Variants in GLIPR1 observed in about 807,000 individuals in gnomAD.
GLIPR1 encodes GLI pathogenesis related 1.
Under a neutral mutation model 30.3 loss-of-function variants are expected in GLIPR1, and 38 were observed. That is an observed-to-expected ratio of 1.26 (90% CI 0.97 to 1.65). GLIPR1 has a LOEUF of 1.65. GLIPR1 is among the 40% of genes most tolerant of loss of function. The pLI is 0.00. For synonymous variants in GLIPR1, 122 were observed against 110.6 expected (o/e 1.10, Z -0.65); for missense variants, 285 against 326.5 (o/e 0.87, Z 0.98).
intron 2 of GLIPR1, among the ~76,000 whole-genome samples, chr12:75,482,527 G>A (rs890072566): frequency 2.6e-5 from 4 of 151,964 alleles, no homozygotes; most frequent in African/African-American, 9.7e-5. Context: ...CTCAAACATC[G>A]ACTGAAAACC....
chr12:75,498,574 C>T lies in GLIPR1; in HGVS notation c.620-120C>T, dbSNP rs878934895. Reference sequence around the variant, plus strand: ...TTTTGAATAATTAAACTTGGAAAGTCACTGCAATAAAGCCAAAGCAAGTTA... The same window carrying T: ...TTTTGAATAATTAAACTTGGAAAGTTACTGCAATAAAGCCAAAGCAAGTTA... On this transcript the variant is annotated intron_variant, in intron 4 of 5. Transcript: ENST00000266659. 16 of 716,258 alleles carry T rather than the reference C, an allele frequency of 2.2e-5. No individual in the cohort carries two copies. The South Asian group carries it at 2.8e-4, about 12-fold the overall frequency. 44.4% of individuals were successfully genotyped at this position (716,258 alleles called of 1,614,324 possible). A position where few individuals can be genotyped will look rare whatever the true frequency, so the allele number is the denominator to read the frequency against.
chr12:75,502,260 G>T lies in GLIPR1; in HGVS notation c.*3282G>T. 1 of 317,706 alleles carries T rather than the reference G, an allele frequency of 3.1e-6. No individual in the cohort carries two copies. The highest frequency in any genetic ancestry group is 5.8e-6 in the Non-Finnish European group (1 of 173,906). The allele number at this position is 317,706 out of a possible 1,614,324, so 19.7% of individuals were successfully genotyped here. A position where few individuals can be genotyped will look rare whatever the true frequency, so the allele number is the denominator to read the frequency against. On this transcript the variant is annotated 3_prime_UTR_variant, in exon 6 of 6. Coordinates refer to ENST00000266659, the MANE Select transcript of GLIPR1 (RefSeq NM_006851.3). ...TGGAAGGTCACTGATTCAGAAAAGTGTGAGAAGAAACTGGAGAGAGAGTTT... is the reference window on the plus strand; with the variant it reads ...TGGAAGGTCACTGATTCAGAAAAGTTTGAGAAGAAACTGGAGAGAGAGTTT...
chr12:75,493,381 C>T (rs184880712), intron 3 of GLIPR1: 2 of 152,098 alleles, frequency 1.3e-5, no homozygotes, highest in Non-Finnish European at 2.9e-5. Flanking sequence ...GTCCAGTATC[C>T]TCCTCAATAT....
Position 75,480,828 on chromosome 12 carries a change from A to C in GLIPR1, c.-53A>C. On this transcript the variant is annotated 5_prime_UTR_variant, in exon 1 of 6. Transcript: ENST00000266659. ...AGCACTCAGGCAATCACACTCTCAG[A>C]AACTGCGGCGGCTCTGGACTGCAGC... The C allele has an allele frequency of 6.8e-7, 1 of 1,462,008 alleles. No homozygotes were observed. The highest frequency in any genetic ancestry group is 9.4e-7 in the Non-Finnish European group (1 of 1,067,020). 90.6% of individuals were successfully genotyped at this position (1,462,008 alleles called of 1,614,324 possible). A position where few individuals can be genotyped will look rare whatever the true frequency, so the allele number is the denominator to read the frequency against.
chr12:75,498,686 C>T lies in GLIPR1; in HGVS notation c.620-8C>T. 2 of 1,610,874 alleles carry T rather than the reference C, an allele frequency of 1.2e-6. No individual in the cohort carries two copies. Among genetic ancestry groups the T allele is most frequent in the Non-Finnish European group, 1.7e-6 (2 of 1,177,272 alleles). On this transcript the variant is annotated splice_region_variant and splice_polypyrimidine_tract_variant and intron_variant, in intron 4 of 5. Coordinates refer to ENST00000266659, the MANE Select transcript of GLIPR1 (RefSeq NM_006851.3). The stretch of plus-strand genomic sequence containing the variant: ...AATTTTTTTTCTTTCTTCCCCCTAA[C>T]TTTACAGTTAACCGACAGCGAGACC...
Position 75,502,038 on chromosome 12 carries a change from T to C in GLIPR1, c.*3060T>C, listed in dbSNP as rs770606721. On this transcript the variant is annotated 3_prime_UTR_variant, in exon 6 of 6. Transcript: ENST00000266659. ...GTATTTACAATTACATCAGAAATAA[T>C]GTAGAGGAGAAGTCATGTCCTAAGC... The C allele has an allele frequency of 3.9e-6, 6 of 1,533,002 alleles. No individual in the cohort carries two copies. The highest frequency in any genetic ancestry group is 1.1e-5 in the South Asian group (1 of 89,174). 95.0% of individuals were successfully genotyped at this position (1,533,002 alleles called of 1,614,324 possible).
At chr12:75,481,367 T>G (rs76662464) in intron 1 of GLIPR1, 1 of 151,514 alleles carries the variant, frequency 6.6e-6, no homozygotes, top group Admixed American at 1.0e-4. Flanking sequence ...CTTTTTTTTT[T>G]TTTTTTTTTG....
At chr12:75,481,789 T>G (rs1462612139) in intron 1 of GLIPR1, 45 bp from the exon 2 acceptor site, 16 of 1,592,474 alleles carry the variant, frequency 1.0e-5, no homozygotes, top group Non-Finnish European at 1.4e-5. Flanking sequence ...TCACCCCAGT[T>G]ACATTTCAGA....
rs767014464 is a variant in GLIPR1, at chr12:75,481,861, G to T, written c.202G>T (p.Ala68Ser). The change falls in exon 2 of 6, where the codon GCA becomes TCA. Residue 68 changes from alanine to serine, a missense_variant. By Grantham distance (99) the Ala-to-Ser change is moderately conservative (BLOSUM62 1). Transcript: ENST00000266659. ...TTGGGACCCAGCACTAGCCCAAATT[G>T]CAAAAGCATGGGCCAGCAATTGCCA... The part of the protein sequence containing the change: ...MTWDPALAQI[A>S]KAWASNCQFS... 4 of 1,613,930 alleles carry T rather than the reference G, an allele frequency of 2.5e-6. No individual in the cohort carries two copies. In the South Asian group the frequency reaches 4.4e-5, roughly 18 times the overall value.
Position 75,501,759 on chromosome 12 carries a change from G to A in GLIPR1, c.*2781G>A. 1.2e-6 allele frequency: 2 copies of A among 1,610,646 alleles called. No individual in the cohort carries two copies. The highest frequency in any genetic ancestry group is 1.7e-6 in the Non-Finnish European group (2 of 1,178,056). ...TTCACAATTGGTTTTTCCTTAGGTG[G>A]AATAAATGCTTTGTTTCTTTCCTCT... On this transcript the variant is annotated 3_prime_UTR_variant, in exon 6 of 6. Transcript: ENST00000266659.
chr12:75,494,229 T>C (rs568880284), intron 3 of GLIPR1: 3 of 152,298 alleles, frequency 2.0e-5, no homozygotes, highest in East Asian at 3.9e-4. Context: ...TTGGAGGTAA[T>C]TGTAGAGTGC....
At chr12:75,486,998 C>A (rs2046296497) in intron 2 of GLIPR1, among the ~76,000 whole-genome samples, 1 of 151,894 alleles carries the variant, frequency 6.6e-6, no homozygotes, top group Admixed American at 6.6e-5. Flanking sequence ...AAAAAGAGGC[C>A]AACTAAAACA....
chr12:75,499,889 T>C lies in GLIPR1; in HGVS notation c.*911T>C. The C allele has an allele frequency of 6.2e-7, 1 of 1,609,984 alleles. No homozygotes were observed. Among genetic ancestry groups the C allele is most frequent in the South Asian group, 1.1e-5 (1 of 90,596 alleles). On this transcript the variant is annotated 3_prime_UTR_variant, in exon 6 of 6. Coordinates refer to ENST00000266659, the MANE Select transcript of GLIPR1 (RefSeq NM_006851.3). The stretch of plus-strand genomic sequence containing the variant: ...TCAGCTGTAAGAGCTCCCAGTTTCT[T>C]ATTCTTTGCTTTCTTAACCTTTTCC...
chr12:75,481,308 C>A, intron 1 of GLIPR1: 2 of 308,300 alleles, frequency 6.5e-6, no homozygotes, highest in East Asian at 5.4e-5. Flanking sequence ...GTGGATTTTA[C>A]TTCTCTTTTT....
At chr12:75,485,557 A>T (rs948503144) in intron 2 of GLIPR1, among the ~76,000 whole-genome samples, 21 of 148,310 alleles carry the variant, frequency 1.4e-4, no homozygotes, top group Admixed American at 6.1e-4. Context: ...TTATTTATTT[A>T]TTTATTTTTT....
intron 2 of GLIPR1, among the ~76,000 whole-genome samples, chr12:75,486,444 A>G (rs1262284869): frequency 2.0e-5 from 3 of 152,186 alleles, no homozygotes; most frequent in East Asian, 1.9e-4. Context: ...AAATAGGCCT[A>G]TGGAGTTGGT....
In GLIPR1 at chr12:75,490,715, GGAGA is replaced by G. The variant is rs1015940063; in HGVS notation, c.533+205_533+208del. ...ATTAACATTCTGGTACATTTTTCTT[GGAGA>G]GAGAGAGGGTGTGTGTGTGTGTGTA... On this transcript the variant is annotated intron_variant, in intron 3 of 5. Transcript: ENST00000266659. 1.5e-5 allele frequency: 7 copies of G among 478,246 alleles called. No individual in the cohort carries two copies. The Admixed American group carries it at 1.5e-4, about 10-fold the overall frequency. 29.6% of individuals were successfully genotyped at this position (478,246 alleles called of 1,614,324 possible).
At chr12:75,495,897 A>C in intron 4 of GLIPR1, 1 of 317,980 alleles carries the variant, frequency 3.1e-6, no homozygotes, top group East Asian at 5.0e-5. Flanking sequence ...AACAAAAAAA[A>C]CTGTCAGAAA....
intron 3 of GLIPR1, chr12:75,494,201 A>G (rs370161142): frequency 1.3e-5 from 2 of 152,364 alleles, no homozygotes; most frequent in East Asian, 3.9e-4. Flanking sequence ...TGTGTGTCTA[A>G]GGTGAGAGTT....
Sources: allele counts gnomAD v4.1 joint callset (sites outside exome capture counted in the v4.1 genomes callset), GRCh38; gene constraint gnomAD v4.1.1; transcripts MANE v1.5; gene names NCBI Gene and HGNC (gene_info 2026-07-23, HGNC 2026-07-21).